The following TRIM5 variants were observed in gnomAD, a reference collection of about 807,000 sequenced individuals.
TRIM5 encodes the protein tripartite motif-containing protein 5.
A neutral mutation model predicts 35.6 loss-of-function variants in TRIM5; 31 were observed. The ratio of observed to expected loss-of-function variants is 0.87; its 90% CI spans 0.65 to 1.18. The LOEUF (loss-of-function observed/expected upper bound fraction) is 1.18. TRIM5 is among the 50% of genes most tolerant of loss of function. The pLI is 0.00. For synonymous variants in TRIM5, 243 were observed against 215.6 expected, an observed-to-expected ratio of 1.13 and a Z score of -1.11; for missense variants, 609 against 591.6, an observed-to-expected ratio of 1.03 and a Z score of -0.31.
chr11:5,609,758 T>C, the TRIM5 span, among the ~76,000 whole-genome samples: 1 of 152,068 alleles, frequency 6.6e-6, no homozygotes, highest in African/African-American at 2.4e-5. Flanking sequence ...CTATCTCTAC[T>C]AAATATACAA....
Position 5,665,972 on chromosome 11 carries a change from T to A in TRIM5, c.868+9A>T. 6.3e-7 allele frequency: 1 copy of A among 1,599,794 alleles called. No homozygotes were observed. Among genetic ancestry groups the A allele is most frequent in the Non-Finnish European group, 8.5e-7 (1 of 1,175,442 alleles). On this transcript the variant is annotated intron_variant, in intron 6 of 7. Coordinates refer to ENST00000380034, the MANE Select transcript of TRIM5 (RefSeq NM_033034.3). ...TCCATAACCCTGTTGTTGATCTAGCTCTCCTCACCTCTAAACACTTCTAGC... is the reference window on the plus strand; with the variant it reads ...TCCATAACCCTGTTGTTGATCTAGCACTCCTCACCTCTAAACACTTCTAGC...
chr11:5,624,121 A>C, the TRIM5 span, among the ~76,000 whole-genome samples: 3 of 152,206 alleles, frequency 2.0e-5, no homozygotes, highest in Admixed American at 2.0e-4. Flanking sequence ...AGGTTACCTC[A>C]GTTTCAAAGC....
chr11:5,663,591 CA>C lies in TRIM5; in HGVS notation c.*1217del, dbSNP rs1173644121. 2 of 961,248 alleles carry C rather than the reference CA, an allele frequency of 2.1e-6. No homozygotes were observed. Among genetic ancestry groups the C allele is most frequent in the African/African-American group, 3.5e-5 (2 of 56,798 alleles). 59.5% of individuals were successfully genotyped at this position (961,248 alleles called of 1,614,324 possible). Reference sequence around the variant, plus strand: ...TATACTTCAGGAATTTATTTTTTCACAATGATCCAAAGTATTAGATGAAGGT... The same window carrying C: ...TATACTTCAGGAATTTATTTTTTCACATGATCCAAAGTATTAGATGAAGGT... On this transcript the variant is annotated 3_prime_UTR_variant, in exon 8 of 8. Transcript: ENST00000380034.
the TRIM5 span, among the ~76,000 whole-genome samples, chr11:5,616,202 C>T: frequency 1.4e-5 from 2 of 143,298 alleles, no homozygotes; most frequent in African/African-American, 5.1e-5. Context: ...CCACCCGCCT[C>T]GGCCTCCCAA....
the TRIM5 span, among the ~76,000 whole-genome samples, chr11:5,628,535 T>C: frequency 6.6e-6 from 1 of 152,166 alleles, no homozygotes; most frequent in African/African-American, 2.4e-5. Context: ...TTAAGGTCTT[T>C]TGATGGATGG....
the TRIM5 span, among the ~76,000 whole-genome samples, chr11:5,656,355 CTTTT>C: frequency 7.0e-6 from 1 of 142,870 alleles, no homozygotes; most frequent in Non-Finnish European, 1.5e-5. Flanking sequence ...TGAACAGACA[CTTTT>C]TTTTTTTTTT....
At chr11:5,600,816 A>G in the TRIM5 span, among the ~76,000 whole-genome samples, 1 of 152,180 alleles carries the variant, frequency 6.6e-6, no homozygotes, top group Non-Finnish European at 1.5e-5. Flanking sequence ...GCCTGGAACC[A>G]GGGCCAGAGC....
the TRIM5 span, chr11:5,632,279 G>A: frequency 1.9e-6 from 3 of 1,611,980 alleles, no homozygotes; most frequent in East Asian, 2.2e-5. Context: ...TTAACCAGAA[G>A]AGAGAGGAGA....
At chr11:5,653,594 C>T in the TRIM5 span, among the ~76,000 whole-genome samples, 17 of 151,032 alleles carry the variant, frequency 1.1e-4, no homozygotes, top group African/African-American at 3.4e-4. Flanking sequence ...CGGGTTCAAG[C>T]GATTCTCCTG....
the TRIM5 span, among the ~76,000 whole-genome samples, chr11:5,596,344 A>T: frequency 1.3e-5 from 2 of 152,068 alleles, no homozygotes; most frequent in African/African-American, 4.8e-5. Context: ...GGGAGCACAG[A>T]AGAGGCACCT....
the TRIM5 span, chr11:5,589,748 G>A: frequency 6.2e-6 from 1 of 162,376 alleles, no homozygotes; most frequent in South Asian, 1.9e-4. Flanking sequence ...CGCTCTCGGT[G>A]CCTCCTCTGC....
At chr11:5,624,137 T>C in the TRIM5 span, among the ~76,000 whole-genome samples, 1 of 152,222 alleles carries the variant, frequency 6.6e-6, no homozygotes, top group Non-Finnish European at 1.5e-5. Context: ...AAAGCAGCCC[T>C]TTCTGTCCAG....
chr11:5,659,194 A>G (rs1590212200), downstream of TRIM5, among the ~76,000 whole-genome samples: 1 of 151,936 alleles, frequency 6.6e-6, no homozygotes, highest in East Asian at 1.9e-4. Flanking sequence ...GGCCCACAGG[A>G]GCTGTAAACA....
At chr11:5,668,640 G>C (rs1851328597) in intron 4 of TRIM5, among the ~76,000 whole-genome samples, 2 of 152,122 alleles carry the variant, frequency 1.3e-5, no homozygotes, top group African/African-American at 2.4e-5. Flanking sequence ...AGTAGAAATG[G>C]GGTTTCACCA....
the TRIM5 span, chr11:5,589,034 C>T: frequency 6.6e-6 from 1 of 152,088 alleles, no homozygotes; most frequent in Non-Finnish European, 1.5e-5. Flanking sequence ...GATCCGCCCG[C>T]CTCGGCCTCC....
chr11:5,594,948 G>A, the TRIM5 span, among the ~76,000 whole-genome samples: 313 of 152,244 alleles, frequency 2.1e-3, 4 homozygotes, highest in African/African-American at 9.4e-4. Context: ...ACCTAAAACC[G>A]TTGTGAAGAA....
the TRIM5 span, among the ~76,000 whole-genome samples, chr11:5,654,962 G>A: frequency 2.7e-4 from 41 of 152,158 alleles, no homozygotes; most frequent in African/African-American, 6.3e-4. Context: ...AGGCTGAGGC[G>A]GGTGGATCAC....
the TRIM5 span, among the ~76,000 whole-genome samples, chr11:5,602,330 C>T: frequency 1.3e-5 from 2 of 152,190 alleles, no homozygotes; most frequent in East Asian, 3.9e-4. Context: ...GTAATCCCAG[C>T]TACTCGGGAG....
the TRIM5 span, among the ~76,000 whole-genome samples, chr11:5,633,033 T>A: frequency 6.7e-6 from 1 of 149,166 alleles, no homozygotes; most frequent in African/African-American, 2.5e-5. Flanking sequence ...AGAGACGGGA[T>A]TTCACCATCT....
Sources: gnomAD v4.1 joint callset for allele counts (sites outside exome capture counted in the v4.1 genomes callset) on GRCh38, gnomAD v4.1.1 for gene constraint, MANE v1.5 for transcripts, NCBI Gene and HGNC (gene_info 2026-07-23, HGNC 2026-07-21) for gene names.